Variants in EMC3 observed in about 807,000 individuals in gnomAD.
The protein encoded by EMC3 is 30 kDa protein.
Under a neutral mutation model 36.6 loss-of-function variants are expected in EMC3, and 13 were observed. The observed-to-expected ratio is 0.35, with a 90% confidence interval of 0.23 to 0.56. The LOEUF is 0.56. Ranked by LOEUF, EMC3 falls within the 20% of genes least tolerant of loss-of-function variation. The pLI, the probability that EMC3 is intolerant of heterozygous loss-of-function variation, is 0.84. For synonymous variants in EMC3, 120 were observed against 111.9 expected, an observed-to-expected ratio of 1.07 and a Z score of -0.46; for missense variants, 220 against 324.5, an observed-to-expected ratio of 0.68 and a Z score of 2.47.
At chr3:9,970,538 C>A (rs1358886728) in intron 6 of EMC3, 44 bp downstream of exon 6, 1 of 1,589,014 alleles carries the variant, frequency 6.3e-7, no homozygotes, top group Admixed American at 1.7e-5. Flanking sequence ...ATGGATGATT[C>A]ATCTATGGAA....
intron 1 of EMC3, chr3:10,003,931 T>A (rs1375546583): frequency 1.3e-5 from 2 of 152,568 alleles, no homozygotes; most frequent in African/African-American, 4.8e-5. Flanking sequence ...GACGGTAACG[T>A]TAAGATCGCA....
chr3:9,980,852 A>G (rs1041571892), intron 1 of EMC3, among the ~76,000 whole-genome samples: 1 of 151,980 alleles, frequency 6.6e-6, no homozygotes, highest in African/African-American at 2.4e-5. Flanking sequence ...CTTACACTGT[A>G]CCCCACAGCA....
At chr3:9,980,046 C>T (rs2085892853) in intron 1 of EMC3, among the ~76,000 whole-genome samples, 1 of 147,394 alleles carries the variant, frequency 6.8e-6, no homozygotes, top group Admixed American at 6.8e-5. Context: ...TGGAATCTCA[C>T]TCTGTCTCCC....
chr3:9,992,464 T>G (rs2086066710), intron 1 of EMC3, among the ~76,000 whole-genome samples: 1 of 152,204 alleles, frequency 6.6e-6, no homozygotes, highest in Non-Finnish European at 1.5e-5. Flanking sequence ...TTTCAAAAAT[T>G]AAAATTACTC....
chr3:10,000,536 T>G, intron 1 of EMC3: 1 of 252,834 alleles, frequency 4.0e-6, no homozygotes, highest in Non-Finnish European at 8.2e-6. Flanking sequence ...AAATATTCTG[T>G]CATTTATGAT....
chr3:9,997,287 G>C (rs1258205868), intron 1 of EMC3, among the ~76,000 whole-genome samples: 1 of 150,854 alleles, frequency 6.6e-6, no homozygotes, highest in Non-Finnish European at 1.5e-5. Context: ...AGCCAGGATG[G>C]TCTCGATCTC....
chr3:9,991,478 G>A (rs2086051555), upstream of EMC3, among the ~76,000 whole-genome samples: 1 of 152,100 alleles, frequency 6.6e-6, no homozygotes, highest in Admixed American at 6.6e-5. Context: ...TTTATATATT[G>A]TTTTTACAAA....
chr3:9,964,195 T>C lies in EMC3; in HGVS notation c.660A>G (p.Thr220=), dbSNP rs1234742784. 11 of 1,613,920 alleles carry C rather than the reference T, an allele frequency of 6.8e-6. No homozygotes were observed. The highest frequency in any genetic ancestry group is 9.3e-6 in the Non-Finnish European group (11 of 1,179,994). The change falls in exon 8 of 8, where the codon ACA becomes ACG. Residue 220 remains threonine (T), a splice_region_variant and synonymous_variant. Transcript: ENST00000245046. ...CCGTCAGCTCCAAAGCTTCCCACTC[T>C]GTCTGTAATGGAAGAGAACACCCAG... is the stretch of plus-strand genomic sequence containing the variant. ...MPADTNKAFK[T]EWEALELTDH...
At chr3:9,988,105 T>C, upstream of EMC3, 1 of 556,432 alleles carries the variant, frequency 1.8e-6, no homozygotes, top group Non-Finnish European at 3.3e-6. Flanking sequence ...TACTTACAAC[T>C]ACAAATAATG....
At chr3:9,986,363 C>A in intron 1 of EMC3, 144 bp downstream of exon 1, 3 of 904,756 alleles carry the variant, frequency 3.3e-6, no homozygotes, top group Non-Finnish European at 5.1e-6. Flanking sequence ...TCACAGAGGA[C>A]AAAAGTGAAA....
Position 9,963,166 on chromosome 3 carries a change from G to A in EMC3, c.*903C>T, listed in dbSNP as rs746144313. The A allele has an allele frequency of 3.3e-5, 5 of 152,144 alleles. No homozygotes were observed. The highest frequency in any genetic ancestry group is 5.9e-5 in the Non-Finnish European group (4 of 68,016). 9.4% of individuals were successfully genotyped at this position (152,144 alleles called of 1,614,324 possible). On this transcript the variant is annotated 3_prime_UTR_variant, in exon 8 of 8. Transcript: ENST00000245046. The stretch of plus-strand genomic sequence containing the variant: ...TGACCCTGGGTATTCACTCTGAAGA[G>A]AGTTTATTTGAATAAGGTTTTGACA...
intron 1 of EMC3, among the ~76,000 whole-genome samples, chr3:9,981,433 A>G (rs2085910961): frequency 6.6e-6 from 1 of 152,180 alleles, no homozygotes; most frequent in African/African-American, 2.4e-5. Flanking sequence ...TGTATTTTCT[A>G]ACACTCACTT....
In EMC3 at chr3:9,963,477, A is replaced by ATATATATATATTTTT. The variant is rs61596273; in HGVS notation, c.*591_*592insAAAAATATATATATA. The ATATATATATATTTTT allele has an allele frequency of 1.1e-5, 1 of 88,926 alleles. No homozygotes were observed. 5.5% of individuals were successfully genotyped at this position (88,926 alleles called of 1,614,324 possible). A position where few individuals can be genotyped will look rare whatever the true frequency, so the allele number is the denominator to read the frequency against. ...TAGATATATATATATATATATATAT[A>ATATATATATATTTTT]TTTTTTTTTTTTTTTCAGATGGAGT... On this transcript the variant is annotated 3_prime_UTR_variant, in exon 8 of 8. Transcript: ENST00000245046.
intron 3 of EMC3, 97 bp from the exon 4 acceptor site, chr3:9,974,585 G>A (rs1476177594): frequency 6.6e-6 from 5 of 761,482 alleles, no homozygotes; most frequent in Non-Finnish European, 1.1e-5. Context: ...TTGAGACGGA[G>A]TCCCGCTCTG....
At chr3:9,982,644 G>A (rs1018240799) in intron 1 of EMC3, among the ~76,000 whole-genome samples, 1 of 151,998 alleles carries the variant, frequency 6.6e-6, no homozygotes, top group Non-Finnish European at 1.5e-5. Context: ...TCCCAATATT[G>A]TGGAAGGCCG....
intron 7 of EMC3, 48 bp downstream of exon 7, chr3:9,969,671 A>T (rs1300125990): frequency 6.2e-7 from 1 of 1,613,846 alleles, no homozygotes; most frequent in Non-Finnish European, 8.5e-7. Flanking sequence ...AGCTCTTGGT[A>T]ACACCTTTCA....
chr3:9,973,768 G>C (rs2085815132), intron 4 of EMC3, 59 bp from the exon 5 acceptor site: 4 of 1,492,758 alleles, frequency 2.7e-6, no homozygotes, highest in Non-Finnish European at 3.7e-6. Flanking sequence ...GAATAAGTGT[G>C]ACTCTTTCTC....
chr3:9,995,183 T>G (rs2086108241), intron 1 of EMC3, among the ~76,000 whole-genome samples: 1 of 152,090 alleles, frequency 6.6e-6, no homozygotes. Context: ...CTTAATGTCT[T>G]AGAGACACTG....
chr3:10,007,240 G>T, intron 1 of EMC3: 1 of 1,117,232 alleles, frequency 9.0e-7, no homozygotes, highest in Non-Finnish European at 1.2e-6. Flanking sequence ...GCAGGTGCAG[G>T]GTAGAGTCCC....
Sources: allele counts gnomAD v4.1 joint callset (sites outside exome capture counted in the v4.1 genomes callset), GRCh38; gene constraint gnomAD v4.1.1; transcripts MANE v1.5; gene names NCBI Gene and HGNC (gene_info 2026-07-23, HGNC 2026-07-21).